The following CLYBL variants were observed in gnomAD, a reference collection of about 807,000 sequenced individuals.
The protein encoded by CLYBL is citramalyl-CoA lyase, mitochondrial.
CLYBL carries 31 observed loss-of-function variants against 38.9 expected under a neutral mutation model. The observed-to-expected ratio is 0.80, with a 90% CI of 0.60 to 1.08. The LOEUF (loss-of-function observed/expected upper bound fraction) is 1.08. Ranked by LOEUF, CLYBL falls within the 50% of genes least tolerant of loss-of-function variation. The pLI is 0.00. For synonymous variants in CLYBL, 171 were observed against 158.6 expected (o/e 1.08, Z -0.59); for missense variants, 434 against 411.6 (o/e 1.05, Z -0.47).
At chr13:99,631,788 G>A (rs1422010406) in intron 1 of CLYBL, among the ~76,000 whole-genome samples, 1 of 151,996 alleles carries the variant, frequency 6.6e-6, no homozygotes, top group Non-Finnish European at 1.5e-5. Context: ...TAGTAGAGAC[G>A]GGGTTTCACC....
rs770552036 is a variant in CLYBL, at chr13:99,742,158, C to T, written c.63-30666C>T. 1.2e-4 allele frequency among the ~76,000 whole-genome samples: 18 copies of T among 152,170 alleles called. 1 individual carries two copies. The highest frequency in any genetic ancestry group is 2.4e-4 in the Non-Finnish European group (16 of 68,030). On this transcript the variant is annotated intron_variant, in intron 1 of 8. Coordinates refer to ENST00000339105, the MANE Select transcript of CLYBL (RefSeq NM_206808.5). The stretch of plus-strand genomic sequence containing the variant: ...TACCTTGGAACGTGTTTACTGAAGC[C>T]GCTATGGAGCACTCGGTTCCGGGAG...
At chr13:99,709,462 G>C (rs573018803) in intron 1 of CLYBL, among the ~76,000 whole-genome samples, 2 of 152,218 alleles carry the variant, frequency 1.3e-5, no homozygotes, top group Admixed American at 1.3e-4. Flanking sequence ...CCATGTCCTG[G>C]CCAATGGGAG....
intron 1 of CLYBL, among the ~76,000 whole-genome samples, chr13:99,620,558 C>T (rs927301402): frequency 3.9e-5 from 6 of 152,164 alleles, no homozygotes; most frequent in African/African-American, 1.2e-4. Flanking sequence ...GGGCGGATCA[C>T]GAGGTCAGGA....
chr13:99,633,102 G>A (rs759098575), intron 1 of CLYBL, among the ~76,000 whole-genome samples: 1 of 150,480 alleles, frequency 6.6e-6, no homozygotes, highest in African/African-American at 2.4e-5. Context: ...TTAGCCAGGT[G>A]TGGGAGACTG....
At chr13:99,791,802 G>A (rs1350339370) in intron 2 of CLYBL, among the ~76,000 whole-genome samples, 1 of 152,156 alleles carries the variant, frequency 6.6e-6, no homozygotes, top group Non-Finnish European at 1.5e-5. Context: ...TCAAGTCTCT[G>A]GTGATTGATT....
intron 2 of CLYBL, among the ~76,000 whole-genome samples, chr13:99,831,268 T>C (rs2050798115): frequency 6.6e-6 from 1 of 152,248 alleles, no homozygotes; most frequent in Admixed American, 6.5e-5. Context: ...TATGGTCATT[T>C]GTTATGGTGG....
chr13:99,731,181 T>C (rs567668448), intron 1 of CLYBL, among the ~76,000 whole-genome samples: 2 of 151,168 alleles, frequency 1.3e-5, no homozygotes, highest in Admixed American at 6.6e-5. Flanking sequence ...TTTCGGCAGA[T>C]TGCACTGTAT....
intron 1 of CLYBL, among the ~76,000 whole-genome samples, chr13:99,700,058 C>T (rs1444974197): frequency 1.3e-5 from 2 of 152,028 alleles, no homozygotes; most frequent in African/African-American, 2.4e-5. Flanking sequence ...CTGCACTTTC[C>T]CATTTCAAAT....
intron 8 of CLYBL, among the ~76,000 whole-genome samples, chr13:99,903,971 A>G (rs9585264): frequency 0.14 from 21,975 of 151,902 alleles, 1,825 homozygotes; most frequent in African/African-American, 0.21. Context: ...CTTGAGCCCA[A>G]GAGTTCAAGG....
At position 99,710,882 on chromosome 13, in the gene CLYBL, T is replaced by C. The variant is rs1036632370; in HGVS notation, c.63-61942T>C. On this transcript the variant is annotated intron_variant, in intron 1 of 8. Transcript: ENST00000339105. ...CTGGCTTCTCTTAGTTTCTAACCCC[T>C]TTTTTTTTTTTTTTTTTTTTTTGAG... 6.6e-4 allele frequency among the ~76,000 whole-genome samples: 47 copies of C among 71,402 alleles called. No homozygotes were observed. The South Asian group carries it at 9.3e-3, about 14-fold the overall frequency. The allele number at this position is 71,402 out of a possible 152,430, so 46.8% of individuals were successfully genotyped here.
intron 1 of CLYBL, among the ~76,000 whole-genome samples, chr13:99,702,690 G>A (rs1443424979): frequency 6.6e-6 from 1 of 151,688 alleles, no homozygotes; most frequent in Non-Finnish European, 1.5e-5. Context: ...TGCTCTGCAA[G>A]TTCAAAATAA....
At chr13:99,714,014 G>A (rs531155670) in intron 1 of CLYBL, among the ~76,000 whole-genome samples, 1 of 150,550 alleles carries the variant, frequency 6.6e-6, no homozygotes, top group South Asian at 2.1e-4. Context: ...TTGAGACAGG[G>A]TCTTGCTCTG....
Position 99,672,636 on chromosome 13 carries a change from C to T in CLYBL, c.62+65879C>T, listed in dbSNP as rs140835765. 4.0e-3 allele frequency among the ~76,000 whole-genome samples: 606 copies of T among 150,860 alleles called. 15 individuals are homozygous for T. Among genetic ancestry groups the T allele is most frequent in the East Asian group, 0.01 (51 of 5,096 alleles). On this transcript the variant is annotated intron_variant, in intron 1 of 8. Transcript: ENST00000339105. ...CAAAAAAAAAAAAAAGTTAGCCAGGCGTGGTGGTGTGTGCCTATAGTCCCA... is the reference window on the plus strand; with the variant it reads ...CAAAAAAAAAAAAAAGTTAGCCAGGTGTGGTGGTGTGTGCCTATAGTCCCA...
downstream of CLYBL, chr13:99,896,712 ATGGT>A (rs2052584873): frequency 6.6e-6 from 1 of 152,200 alleles, no homozygotes; most frequent in East Asian, 1.9e-4. Flanking sequence ...CATTCCCTTT[ATGGT>A]AGCTTTTTGG....
chr13:99,679,449 T>C (rs1413249382), intron 1 of CLYBL, among the ~76,000 whole-genome samples: 1 of 152,172 alleles, frequency 6.6e-6, no homozygotes, highest in African/African-American at 2.4e-5. Flanking sequence ...GAACTCCTCT[T>C]TAATGTGACC....
At chr13:99,642,818 G>C (rs571628915) in intron 1 of CLYBL, among the ~76,000 whole-genome samples, 280 of 151,254 alleles carry the variant, frequency 1.9e-3, no homozygotes, top group African/African-American at 6.6e-3. Context: ...GAGTGCAGTA[G>C]TGCAATCTTG....
chr13:99,778,416 A>C (rs367708281), intron 2 of CLYBL, among the ~76,000 whole-genome samples: 11 of 152,302 alleles, frequency 7.2e-5, no homozygotes, highest in African/African-American at 2.6e-4. Flanking sequence ...GCATTATTAA[A>C]ATGTCACTTC....
At chr13:99,725,501 T>C (rs536321278) in intron 1 of CLYBL, among the ~76,000 whole-genome samples, 1 of 152,324 alleles carries the variant, frequency 6.6e-6, no homozygotes, top group African/African-American at 2.4e-5. Flanking sequence ...TTGTTTTCTT[T>C]TATTGACCAG....
At chr13:99,686,177 A>T (rs2047815292) in intron 1 of CLYBL, among the ~76,000 whole-genome samples, 1 of 152,138 alleles carries the variant, frequency 6.6e-6, no homozygotes. Flanking sequence ...CTGAGCTAAG[A>T]AAAGGGTGAG....
Sources: gnomAD v4.1 joint callset for allele counts (sites outside exome capture counted in the v4.1 genomes callset) on GRCh38, gnomAD v4.1.1 for gene constraint, MANE v1.5 for transcripts, NCBI Gene and HGNC (gene_info 2026-07-23, HGNC 2026-07-21) for gene names.